The following RSL24D1 variants were observed in gnomAD, a reference collection of about 807,000 sequenced individuals.
RSL24D1 encodes ribosomal L24 domain containing 1.
A neutral mutation model predicts 26.2 loss-of-function variants in RSL24D1; 6 were observed. The observed-to-expected ratio is 0.23, with a 90% CI of 0.13 to 0.45. The LOEUF (loss-of-function observed/expected upper bound fraction) is 0.45. Ranked by LOEUF, RSL24D1 falls within the 20% of genes least tolerant of loss-of-function variation. The pLI is 0.99. For synonymous variants in RSL24D1, 61 were observed against 59.1 expected (o/e 1.03, Z -0.15); for missense variants, 176 against 202.6 (o/e 0.87, Z 0.80).
At chr15:55,185,224 G>T in intron 4 of RSL24D1, 138 bp downstream of exon 4, 1 of 547,200 alleles carries the variant, frequency 1.8e-6, no homozygotes, top group Non-Finnish European at 3.2e-6. Flanking sequence ...ATATACAAGA[G>T]TTCTTCATAT....
At chr15:55,196,699 G>A (rs549083383) in intron 1 of RSL24D1, 111 bp downstream of exon 1, 20 of 1,008,122 alleles carry the variant, frequency 2.0e-5, no homozygotes, top group Non-Finnish European at 2.9e-5. Context: ...GGGGAACAAC[G>A]GGAGGAACCC....
intron 1 of RSL24D1, 63 bp from the exon 2 acceptor site, chr15:55,192,896 C>A (rs1232430893): frequency 9.7e-7 from 1 of 1,034,122 alleles, no homozygotes; most frequent in Non-Finnish European, 1.5e-6. Flanking sequence ...CAAGACGTTA[C>A]CCCTGCTAGA....
At chr15:55,195,713 G>A (rs1894347863) in intron 1 of RSL24D1, 1 of 152,300 alleles carries the variant, frequency 6.6e-6, no homozygotes, top group African/African-American at 2.4e-5. Flanking sequence ...ATGTTCCTGA[G>A]AGCAAGTATT....
In RSL24D1 at chr15:55,182,147, G is replaced by A. The variant is rs563585818; in HGVS notation, c.*5C>T. ...TGTACATAAAAGAAATGGTTACAGA[G>A]ATTTTTAAGGAGCATCTTCCATGTC... On this transcript the variant is annotated 3_prime_UTR_variant, in exon 6 of 6. Transcript: ENST00000260443. The A allele has an allele frequency of 5.5e-5, 87 of 1,573,804 alleles. 1 individual carries two copies. In the South Asian group the frequency reaches 8.9e-4, roughly 16 times the overall value.
intron 3 of RSL24D1, among the ~76,000 whole-genome samples, chr15:55,190,033 A>C (rs1283037555): frequency 6.6e-6 from 1 of 152,158 alleles, no homozygotes; most frequent in Non-Finnish European, 1.5e-5. Flanking sequence ...GGATCACTTG[A>C]GGTCAGGAGT....
At chr15:55,191,162 A>G in intron 2 of RSL24D1, 115 bp from the exon 3 acceptor site, 1 of 694,194 alleles carries the variant, frequency 1.4e-6, no homozygotes, top group Non-Finnish European at 2.3e-6. Context: ...ACCTAGATTC[A>G]CCCCTCAGGG....
chr15:55,191,684 AACACACAAAAC>A (rs1378252290), intron 2 of RSL24D1, among the ~76,000 whole-genome samples: 1 of 152,214 alleles, frequency 6.6e-6, no homozygotes, highest in Non-Finnish European at 1.5e-5. Context: ...TTAATCTTAA[AACACACAAAAC>A]AATTTTGGAA....
chr15:55,183,222 T>C (rs780775087), intron 5 of RSL24D1, 93 bp downstream of exon 5: 5 of 828,486 alleles, frequency 6.0e-6, no homozygotes, highest in Admixed American at 5.4e-5. Flanking sequence ...AAATTTACTA[T>C]GAAAGATAAT....
rs187486215 is a variant in RSL24D1 at position 55,196,138 on chromosome 15, T to C, written c.81+672A>G. 2.2e-3 allele frequency among the ~76,000 whole-genome samples: 341 copies of C among 152,312 alleles called. 1 individual carries two copies. Among genetic ancestry groups the C allele is most frequent in the African/African-American group, 7.8e-3 (326 of 41,556 alleles). On this transcript the variant is annotated intron_variant, in intron 1 of 5. Coordinates refer to ENST00000260443, the MANE Select transcript of RSL24D1 (RefSeq NM_016304.3). ...TTTATTATTTACGTTTACAGACTTA[T>C]TATACTTGTAGCCCTACGCCCAAGG...
In RSL24D1 at chr15:55,190,984, T is replaced by G. The variant is rs778860442; in HGVS notation, c.259A>C (p.Asn87His). Residue 87 changes from asparagine to histidine, a missense_variant, in exon 3 of 6, where the codon AAT becomes CAT. Physicochemically the swap from Asn to His is moderately conservative, Grantham distance 68. Coordinates refer to ENST00000260443, the MANE Select transcript of RSL24D1 (RefSeq NM_016304.3). ...EPIKYQRELWNKTIDAMKRVE... is the reference protein window; with the variant it reads ...EPIKYQRELWHKTIDAMKRVE... ...TTTCTTTGTGACTTACTAGTTTTAT[T>G]CCATAGCTCTCGCTGGTATTTGATA... is the stretch of plus-strand genomic sequence containing the variant. The G allele has an allele frequency of 1.9e-6, 3 of 1,600,666 alleles. No homozygotes were observed. The highest frequency in any genetic ancestry group is 1.7e-5 in the Admixed American group (1 of 58,082).
At chr15:55,185,535 G>GA (rs1894216010) in intron 3 of RSL24D1, 110 bp from the exon 4 acceptor site, 14 of 775,642 alleles carry the variant, frequency 1.8e-5, no homozygotes, top group African/African-American at 7.3e-5. Context: ...GAATTTACAT[G>GA]AAAAAAATCA....
intron 4 of RSL24D1, among the ~76,000 whole-genome samples, chr15:55,183,752 A>C (rs1249958628): frequency 6.6e-6 from 1 of 152,152 alleles, no homozygotes; most frequent in Non-Finnish European, 1.5e-5. Context: ...CTAACAACTC[A>C]AACTCAAAGT....
intron 1 of RSL24D1, chr15:55,196,271 G>A (rs545678126): frequency 2.4e-5 from 11 of 451,890 alleles, no homozygotes; most frequent in Non-Finnish European, 4.0e-5. Flanking sequence ...GGCCCCCTCC[G>A]CTTTCTTCCG....
chr15:55,192,502 T>C, intron 2 of RSL24D1: 1 of 395,090 alleles, frequency 2.5e-6, no homozygotes, highest in Non-Finnish European at 4.6e-6. Flanking sequence ...TTTAAGTGAT[T>C]TTCCTCTTGG....
chr15:55,190,209 C>G (rs1313203152), intron 3 of RSL24D1, among the ~76,000 whole-genome samples: 2 of 141,126 alleles, frequency 1.4e-5, no homozygotes, highest in Non-Finnish European at 3.0e-5. Context: ...GATCGTGCCA[C>G]TGCACTCCAG....
At chr15:55,196,727 C>G (rs991047169) in intron 1 of RSL24D1, 83 bp downstream of exon 1, 1 of 1,347,622 alleles carries the variant, frequency 7.4e-7, no homozygotes, top group African/African-American at 1.4e-5. Context: ...ACACGGCAGA[C>G]GCAGAAGCAC....
At chr15:55,187,941 T>TA (rs141987845) in intron 3 of RSL24D1, among the ~76,000 whole-genome samples, 7,673 of 150,980 alleles carry the variant, frequency 0.051, 250 homozygotes, top group Non-Finnish European at 0.066. Flanking sequence ...AAATAAAAAA[T>TA]AAAAAAAAAT....
At chr15:55,190,691 T>C (rs564044002) in intron 3 of RSL24D1, among the ~76,000 whole-genome samples, 8 of 152,284 alleles carry the variant, frequency 5.3e-5, no homozygotes, top group African/African-American at 1.9e-4. Flanking sequence ...TCCGTCTCTA[T>C]TTTTTTCAGC....
chr15:55,196,699 G>T (rs549083383), intron 1 of RSL24D1, 111 bp downstream of exon 1: 1 of 1,008,236 alleles, frequency 9.9e-7, no homozygotes. Flanking sequence ...GGGGAACAAC[G>T]GGAGGAACCC....
Sources: allele counts gnomAD v4.1 joint callset (sites outside exome capture counted in the v4.1 genomes callset), GRCh38; gene constraint gnomAD v4.1.1; transcripts MANE v1.5; gene names NCBI Gene and HGNC (gene_info 2026-07-23, HGNC 2026-07-21).